The following GPR107 variants were observed in gnomAD, a reference collection of about 807,000 sequenced individuals.
GPR107 encodes the protein G protein-coupled receptor 107.
GPR107 carries 31 observed loss-of-function variants against 75.5 expected under a neutral mutation model. The observed-to-expected ratio is 0.41, with a 90% CI of 0.31 to 0.55. The LOEUF is 0.55. Among genes scored for constraint, GPR107 ranks in the 20% least tolerant of loss-of-function variants. GPR107 has a pLI of 0.26. For missense variants in GPR107, 572 were observed against 665.7 expected (o/e 0.86, Z 1.55); for synonymous variants, 267 against 251.3 (o/e 1.06, Z -0.59).
chr9:130,140,020 A>T lies in GPR107; in HGVS notation c.*4899A>T, dbSNP rs1264727234. 4 of 151,978 alleles carry T rather than the reference A, an allele frequency of 2.6e-5. No homozygotes were observed. The highest frequency in any genetic ancestry group is 9.7e-5 in the African/African-American group (4 of 41,340). The allele number at this position is 151,978 out of a possible 1,614,324, so 9.4% of individuals were successfully genotyped here. On this transcript the variant is annotated 3_prime_UTR_variant, in exon 18 of 18. Coordinates refer to ENST00000347136, the MANE Select transcript of GPR107 (RefSeq NM_020960.5). This position sits in a 1 kb window ranked among gnomAD's most constrained non-coding sequence, Gnocchi z 4.0. Reference sequence around the variant, plus strand: ...TTGGGATGCAGAAGGAGTTTTCAGTATTTTTTTTAAAACACTAATGATCAT... The same window carrying T: ...TTGGGATGCAGAAGGAGTTTTCAGTTTTTTTTTTAAAACACTAATGATCAT...
intron 14 of GPR107, among the ~76,000 whole-genome samples, chr9:130,114,126 T>G (rs999734501): frequency 6.7e-6 from 1 of 148,854 alleles, no homozygotes; most frequent in Non-Finnish European, 1.5e-5. Context: ...CCCAGCACTT[T>G]GGGAGGCGGA....
At chr9:130,106,515 T>A (rs1374049938) in intron 13 of GPR107, among the ~76,000 whole-genome samples, 2 of 151,804 alleles carry the variant, frequency 1.3e-5, no homozygotes, top group Non-Finnish European at 2.9e-5. Flanking sequence ...GAGAATTGCT[T>A]GAACCCAGGA....
intron 14 of GPR107, among the ~76,000 whole-genome samples, chr9:130,118,011 G>A (rs1831466928): frequency 6.6e-6 from 1 of 152,370 alleles, no homozygotes; most frequent in Non-Finnish European, 1.5e-5. Flanking sequence ...TGGACTTTAA[G>A]GTTATGAACT....
intron 17 of GPR107, among the ~76,000 whole-genome samples, chr9:130,130,629 T>C (rs1450678403): frequency 6.6e-6 from 1 of 152,126 alleles, no homozygotes; most frequent in Non-Finnish European, 1.5e-5. Flanking sequence ...CCCAGCACTT[T>C]AGGAGGCCGA....
chr9:130,092,182 T>C, intron 8 of GPR107, 66 bp from the exon 9 acceptor site: 1 of 1,396,700 alleles, frequency 7.2e-7, no homozygotes, highest in South Asian at 1.2e-5. Flanking sequence ...CAACTGAGAT[T>C]CCAAATTGCT....
chr9:130,092,133 C>T, intron 8 of GPR107, 115 bp from the exon 9 acceptor site: 3 of 836,412 alleles, frequency 3.6e-6, no homozygotes, highest in Non-Finnish European at 3.9e-6. Context: ...AGCCACCATG[C>T]CCAGCCACTG....
At chr9:130,076,954 C>G (rs1447981614) in intron 3 of GPR107, among the ~76,000 whole-genome samples, 2 of 148,678 alleles carry the variant, frequency 1.3e-5, no homozygotes, top group Non-Finnish European at 3.0e-5. Context: ...ATGGTGTGAT[C>G]TTGGCTCACT....
intron 9 of GPR107, among the ~76,000 whole-genome samples, chr9:130,093,359 A>G (rs971382627): frequency 6.6e-6 from 1 of 152,222 alleles, no homozygotes; most frequent in Non-Finnish European, 1.5e-5. Context: ...ATTTATTATA[A>G]GGCTCATAAA....
chr9:130,063,666 A>G (rs1275009568), intron 1 of GPR107, among the ~76,000 whole-genome samples: 3 of 152,070 alleles, frequency 2.0e-5, no homozygotes, highest in Non-Finnish European at 4.4e-5. Context: ...CCAGTGTAGT[A>G]TAATAAAATA....
At chr9:130,079,570 G>A (rs984522779) in intron 4 of GPR107, 60 bp from the exon 5 acceptor site, 26 of 1,471,666 alleles carry the variant, frequency 1.8e-5, no homozygotes, top group Middle Eastern at 2.0e-4. Context: ...TACACGCAGC[G>A]TGCTCAGTGG....
intron 8 of GPR107, among the ~76,000 whole-genome samples, chr9:130,091,989 T>C (rs1455190851): frequency 6.6e-6 from 1 of 151,722 alleles, no homozygotes; most frequent in Non-Finnish European, 1.5e-5. Flanking sequence ...CCACTGTGCC[T>C]GGCCCTAATT....
intron 9 of GPR107, among the ~76,000 whole-genome samples, chr9:130,098,386 C>G (rs867104218): frequency 4.6e-5 from 7 of 152,182 alleles, no homozygotes; most frequent in Admixed American, 3.9e-4. Context: ...CTGGCACTTT[C>G]TCCTCACACA....
At chr9:130,100,559 C>A (rs2132608696) in intron 10 of GPR107, 70 bp from the exon 11 acceptor site, 1 of 1,104,484 alleles carries the variant, frequency 9.1e-7, no homozygotes. Context: ...CAAATGGGTC[C>A]AAGTTAAAAG....
chr9:130,061,683 C>T (rs1381492952), intron 1 of GPR107, among the ~76,000 whole-genome samples: 1 of 152,192 alleles, frequency 6.6e-6, no homozygotes, highest in Non-Finnish European at 1.5e-5. Flanking sequence ...GTGGCTCACG[C>T]CTGTAATCCC....
At chr9:130,067,371 G>A (rs916769111) in intron 1 of GPR107, among the ~76,000 whole-genome samples, 1 of 152,134 alleles carries the variant, frequency 6.6e-6, no homozygotes, top group Non-Finnish European at 1.5e-5. Flanking sequence ...GCAGCCCCTT[G>A]AGATAGATGT....
chr9:130,055,329 C>T (rs995747428), intron 1 of GPR107, among the ~76,000 whole-genome samples: 13 of 151,118 alleles, frequency 8.6e-5, no homozygotes, highest in Non-Finnish European at 1.9e-4. Flanking sequence ...ATTAGCCAGG[C>T]GTGGTGGCAG....
intron 1 of GPR107, among the ~76,000 whole-genome samples, chr9:130,058,130 T>C (rs1459823984): frequency 6.6e-6 from 1 of 151,682 alleles, no homozygotes; most frequent in African/African-American, 2.4e-5. Context: ...CTCCTGGCTA[T>C]TTATTATTTT....
At chr9:130,063,126 CTCTTT>C (rs1564657926) in intron 1 of GPR107, among the ~76,000 whole-genome samples, 4 of 152,132 alleles carry the variant, frequency 2.6e-5, no homozygotes, top group African/African-American at 7.2e-5. Context: ...AGGGTTTCAT[CTCTTT>C]TAAGTGTGAA....
intron 4 of GPR107, among the ~76,000 whole-genome samples, chr9:130,079,119 C>T (rs1014480444): frequency 6.6e-6 from 1 of 152,064 alleles, no homozygotes; most frequent in Non-Finnish European, 1.5e-5. Context: ...CCAACACACC[C>T]GGCCAGTTTT....
Sources: allele counts gnomAD v4.1 joint callset (sites outside exome capture counted in the v4.1 genomes callset), GRCh38; gene constraint gnomAD v4.1.1; non-coding constraint Gnocchi (gnomAD v3.1); transcripts MANE v1.5; gene names NCBI Gene and HGNC (gene_info 2026-07-23, HGNC 2026-07-21).